The following TFPI variants were observed in gnomAD, a reference collection of about 807,000 sequenced individuals.
TFPI encodes the protein anti-convertin.
A neutral mutation model predicts 34.6 loss-of-function variants in TFPI; 15 were observed. The ratio of observed to expected loss-of-function variants is 0.43; its 90% confidence interval spans 0.29 to 0.67. TFPI has a LOEUF of 0.67. Among genes scored for constraint, TFPI ranks in the 30% least tolerant of loss-of-function variants. TFPI has a pLI of 0.15. For missense variants in TFPI, 301 were observed against 364.0 expected (o/e 0.83, Z 1.41); for synonymous variants, 105 against 120.1 (o/e 0.87, Z 0.82).
At chr2:187,484,088 G>C (rs763683071) in intron 6 of TFPI, 36 bp downstream of exon 6, 76 of 1,553,038 alleles carry the variant, frequency 4.9e-5, no homozygotes, top group Middle Eastern at 1.7e-4. Context: ...CATGATAATA[G>C]TTTCCTGGAA....
At chr2:187,534,893 G>GC (rs1688159282) in intron 1 of TFPI, among the ~76,000 whole-genome samples, 3 of 128,312 alleles carry the variant, frequency 2.3e-5, no homozygotes, top group South Asian at 5.0e-4. Flanking sequence ...CAAATGGAAA[G>GC]CAAAAAAAAA....
At chr2:187,549,240 G>A (rs938156033) in intron 1 of TFPI, among the ~76,000 whole-genome samples, 8 of 152,020 alleles carry the variant, frequency 5.3e-5, no homozygotes, top group African/African-American at 1.9e-4. Flanking sequence ...TAAAAAAATT[G>A]AGCAGGAACC....
intron 6 of TFPI, among the ~76,000 whole-genome samples, chr2:187,479,610 A>G (rs952356149): frequency 7.0e-6 from 1 of 142,958 alleles, no homozygotes; most frequent in Admixed American, 7.1e-5. Context: ...ATACTGAAAT[A>G]CTTTTAAATA....
chr2:187,478,848 A>G (rs568300304), intron 6 of TFPI: 23 of 1,519,902 alleles, frequency 1.5e-5, no homozygotes, highest in African/African-American at 9.6e-5. Flanking sequence ...AGTCATCTTT[A>G]TATGTTTAAC....
chr2:187,533,626 G>T (rs899641435), intron 1 of TFPI, among the ~76,000 whole-genome samples: 3 of 152,190 alleles, frequency 2.0e-5, no homozygotes. Context: ...GCACAAAAAG[G>T]CTGGAAATTC....
chr2:187,529,726 T>C (rs1687863572), intron 1 of TFPI, among the ~76,000 whole-genome samples: 1 of 152,180 alleles, frequency 6.6e-6, no homozygotes. Context: ...TGCAAGTTTG[T>C]CTTGGAAGTG....
At chr2:187,518,453 T>C (rs1436272039) in intron 1 of TFPI, 2 of 152,246 alleles carry the variant, frequency 1.3e-5, no homozygotes, top group Non-Finnish European at 2.9e-5. Flanking sequence ...TCTTTAAGAA[T>C]GTAGAATATT....
chr2:187,534,765 A>G (rs1688150290), intron 1 of TFPI, among the ~76,000 whole-genome samples: 1 of 152,178 alleles, frequency 6.6e-6, no homozygotes, highest in Non-Finnish European at 1.5e-5. Context: ...GTTAAAAGAC[A>G]TAGACTGGCA....
intron 1 of TFPI, among the ~76,000 whole-genome samples, chr2:187,527,483 C>T (rs1191082735): frequency 2.0e-5 from 3 of 152,066 alleles, no homozygotes; most frequent in African/African-American, 7.2e-5. Flanking sequence ...GGTTTAAGGC[C>T]GTGTGACTGC....
intron 2 of TFPI, among the ~76,000 whole-genome samples, chr2:187,501,826 A>G (rs1685871789): frequency 6.6e-6 from 1 of 152,088 alleles, no homozygotes; most frequent in Non-Finnish European, 1.5e-5. Context: ...TCTTTTTATT[A>G]TCATTTTTGC....
chr2:187,473,309 G>T (rs1330091982), intron 6 of TFPI, among the ~76,000 whole-genome samples: 1 of 151,918 alleles, frequency 6.6e-6, no homozygotes, highest in Non-Finnish European at 1.5e-5. Flanking sequence ...GATTTGCTAG[G>T]TTAAATTTTA....
chr2:187,476,816 ATTT>A (rs1004385154), intron 6 of TFPI, among the ~76,000 whole-genome samples: 14 of 152,010 alleles, frequency 9.2e-5, no homozygotes, highest in African/African-American at 3.1e-4. Flanking sequence ...TACAATAAGG[ATTT>A]TTCTTTTTTT....
Position 187,545,657 on chromosome 2 carries a change from C to A in TFPI, c.-3+8543G>T, listed in dbSNP as rs1688819668. ...AAGTAAATTTCAGATTACTTACAATCTCTAGAAATTAACATTTCATTAAAC... is the reference window on the plus strand; with the variant it reads ...AAGTAAATTTCAGATTACTTACAATATCTAGAAATTAACATTTCATTAAAC... On this transcript the variant is annotated intron_variant, in intron 1 of 7. Transcript: ENST00000233156. Among the ~76,000 whole-genome samples, 6 of 152,150 alleles carry A rather than the reference C, an allele frequency of 3.9e-5. No individual in the cohort carries two copies. The South Asian group carries it at 1.2e-3, about 32-fold the overall frequency.
intron 1 of TFPI, among the ~76,000 whole-genome samples, chr2:187,550,640 A>C (rs1689063669): frequency 6.6e-6 from 1 of 152,168 alleles, no homozygotes; most frequent in Admixed American, 6.5e-5. Context: ...GACATCAAAA[A>C]CAGAATTAGC....
chr2:187,510,807 G>T (rs1356810780), intron 1 of TFPI, among the ~76,000 whole-genome samples: 1 of 152,126 alleles, frequency 6.6e-6, no homozygotes, highest in Non-Finnish European at 1.5e-5. Context: ...CCTTAGAGTT[G>T]TAGGCCCTTA....
intron 3 of TFPI, among the ~76,000 whole-genome samples, chr2:187,496,581 A>G (rs1384094300): frequency 6.6e-6 from 1 of 152,166 alleles, no homozygotes; most frequent in East Asian, 1.9e-4. Context: ...AAAATGAAAA[A>G]TGATAGTTGA....
chr2:187,488,289 A>G, intron 4 of TFPI, 48 bp downstream of exon 4: 1 of 1,488,582 alleles, frequency 6.7e-7, no homozygotes, highest in Non-Finnish European at 9.1e-7. Flanking sequence ...TTGAATATCT[A>G]AATGCCTTAC....
chr2:187,550,328 A>G (rs931681872), intron 1 of TFPI, among the ~76,000 whole-genome samples: 11 of 152,164 alleles, frequency 7.2e-5, no homozygotes, highest in Admixed American at 7.2e-4. Context: ...CTCTCAGTTC[A>G]TGGAGCATTA....
At chr2:187,544,568 G>A (rs1559160095) in intron 1 of TFPI, 1 of 152,060 alleles carries the variant, frequency 6.6e-6, no homozygotes, top group African/African-American at 2.4e-5. Context: ...TTGAGCCCAG[G>A]GGGCGAAGGT....
Sources: gnomAD v4.1 joint callset for allele counts (sites outside exome capture counted in the v4.1 genomes callset) on GRCh38, gnomAD v4.1.1 for gene constraint, MANE v1.5 for transcripts, NCBI Gene and HGNC (gene_info 2026-07-23, HGNC 2026-07-21) for gene names.